DZANK1: variants seen among roughly 807,000 people sequenced by gnomAD.
DZANK1 encodes the protein double zinc ribbon and ankyrin repeat-containing protein 1.
Under a neutral mutation model 94.5 loss-of-function variants are expected in DZANK1, and 91 were observed. That is an observed-to-expected ratio of 0.96 (90% CI 0.81 to 1.15). The LOEUF is 1.15. DZANK1 is among the 50% of genes most tolerant of loss of function. DZANK1 has a pLI of 0.00. For missense variants in DZANK1, 903 were observed against 916.4 expected (o/e 0.99, Z 0.19); for synonymous variants, 312 against 325.3 (o/e 0.96, Z 0.44).
At chr20:18,409,055 T>C (rs748680771) in intron 13 of DZANK1, among the ~76,000 whole-genome samples, 26 of 152,174 alleles carry the variant, frequency 1.7e-4, no homozygotes, top group Non-Finnish European at 2.8e-4. Flanking sequence ...TTTTGCAAGT[T>C]TGTTTGTTTA....
chr20:18,458,332 G>A (rs773387016), intron 3 of DZANK1, among the ~76,000 whole-genome samples: 4 of 152,056 alleles, frequency 2.6e-5, no homozygotes, highest in Non-Finnish European at 5.9e-5. Flanking sequence ...ATTTAAACAG[G>A]GAAATTTAGC....
At chr20:18,392,981 T>TA (rs1362894229) in intron 17 of DZANK1, among the ~76,000 whole-genome samples, 1 of 152,190 alleles carries the variant, frequency 6.6e-6, no homozygotes, top group Non-Finnish European at 1.5e-5. Context: ...GCTAGTGCCT[T>TA]ACCCCTTCTT....
chr20:18,387,286 G>C (rs532089484), intron 19 of DZANK1, among the ~76,000 whole-genome samples: 1 of 152,314 alleles, frequency 6.6e-6, no homozygotes, highest in South Asian at 2.1e-4. Context: ...TAGATTTTCT[G>C]TGCTGGCTAT....
intron 12 of DZANK1, among the ~76,000 whole-genome samples, chr20:18,413,587 C>G (rs2057356193): frequency 6.6e-6 from 1 of 152,000 alleles, no homozygotes; most frequent in African/African-American, 2.4e-5. Flanking sequence ...CGAGATCAGC[C>G]CGACCAACAT....
intron 13 of DZANK1, among the ~76,000 whole-genome samples, chr20:18,405,320 T>G (rs1385415075): frequency 6.6e-6 from 1 of 151,850 alleles, no homozygotes; most frequent in Non-Finnish European, 1.5e-5. Context: ...AAATAGATAA[T>G]TCACAAGAGG....
At chr20:18,429,679 T>A (rs1035936114) in intron 9 of DZANK1, among the ~76,000 whole-genome samples, 10 of 152,264 alleles carry the variant, frequency 6.6e-5, no homozygotes, top group Non-Finnish European at 1.3e-4. Context: ...TCTTCTGAGA[T>A]ACTACTATGA....
intron 1 of DZANK1, among the ~76,000 whole-genome samples, chr20:18,466,402 T>A (rs907862979): frequency 6.6e-6 from 1 of 152,206 alleles, no homozygotes. Context: ...TGTCACAGAC[T>A]GTATTCTCAA....
At chr20:18,459,243 C>T (rs549574403) in intron 3 of DZANK1, among the ~76,000 whole-genome samples, 53 of 152,282 alleles carry the variant, frequency 3.5e-4, no homozygotes, top group Admixed American at 7.8e-4. Context: ...AGAATAATAA[C>T]GTGCATATAC....
chr20:18,448,075 C>T (rs1243410653), intron 7 of DZANK1, among the ~76,000 whole-genome samples: 1 of 152,042 alleles, frequency 6.6e-6, no homozygotes, highest in African/African-American at 2.4e-5. Flanking sequence ...TATACAGTAA[C>T]TTTTGTACAA....
intron 18 of DZANK1, 75 bp from the exon 19 acceptor site, chr20:18,389,903 T>C: frequency 3.2e-6 from 5 of 1,586,476 alleles, no homozygotes; most frequent in Non-Finnish European, 4.3e-6. Context: ...TCCTATGAAG[T>C]ATAACAGATG....
exon 10 of DZANK1, chr20:18,427,137 C>A: frequency 1.2e-6 from 2 of 1,612,940 alleles, no homozygotes; most frequent in Non-Finnish European, 1.7e-6. Flanking sequence ...TCCTGTACCA[C>A]AGGCCCGGCA....
chr20:18,431,150 T>C (rs1230676713), intron 9 of DZANK1, among the ~76,000 whole-genome samples: 1 of 152,050 alleles, frequency 6.6e-6, no homozygotes, highest in Non-Finnish European at 1.5e-5. Context: ...AGTTGTAAAA[T>C]CTTCTCTTAT....
chr20:18,414,584 C>G, intron 11 of DZANK1, 72 bp from the exon 12 acceptor site: 3 of 1,500,404 alleles, frequency 2.0e-6, no homozygotes, highest in South Asian at 2.5e-5. Context: ...TCATACCATA[C>G]AAATTAACAT....
chr20:18,427,257 C>T (rs898654718), intron 9 of DZANK1, 98 bp from the exon 10 acceptor site: 5 of 819,010 alleles, frequency 6.1e-6, no homozygotes, highest in Non-Finnish European at 9.6e-6. Context: ...CAGCTACAGG[C>T]CCTATTACTG....
chr20:18,416,346 C>T (rs369010076), intron 10 of DZANK1, among the ~76,000 whole-genome samples: 2 of 152,194 alleles, frequency 1.3e-5, no homozygotes, highest in Non-Finnish European at 2.9e-5. Context: ...CAAGCTCCAC[C>T]GGCCAGCTTC....
At chr20:18,397,961 C>T (rs1445807789) in intron 14 of DZANK1, among the ~76,000 whole-genome samples, 6 of 152,148 alleles carry the variant, frequency 3.9e-5, no homozygotes, top group African/African-American at 7.2e-5. Flanking sequence ...CATCATAGTC[C>T]GTTAGTCAAA....
chr20:18,454,079 C>A, intron 4 of DZANK1: 3 of 560,602 alleles, frequency 5.4e-6, no homozygotes, highest in Non-Finnish European at 6.8e-6. Context: ...CAGGGAGCAG[C>A]ACATGCAGGC....
At chr20:18,452,728 C>A (rs777466572) in intron 5 of DZANK1, 11 of 1,580,644 alleles carry the variant, frequency 7.0e-6, no homozygotes, top group Non-Finnish European at 9.5e-6. Flanking sequence ...GTTCTTTCAC[C>A]TACCTGGACG....
chr20:18,389,520 C>T (rs1015023662), intron 19 of DZANK1, among the ~76,000 whole-genome samples, 181 bp downstream of exon 19: 2 of 152,180 alleles, frequency 1.3e-5, no homozygotes, highest in Non-Finnish European at 2.9e-5. Flanking sequence ...TTTAAAATTT[C>T]GCTTTACCCA....
Sources: allele counts gnomAD v4.1 joint callset (sites outside exome capture counted in the v4.1 genomes callset), GRCh38; gene constraint gnomAD v4.1.1; transcripts MANE v1.5; gene names NCBI Gene and HGNC (gene_info 2026-07-23, HGNC 2026-07-21).